The following SLC35F1 variants were observed in gnomAD, a reference collection of about 807,000 sequenced individuals.
SLC35F1 encodes solute carrier family 35 member F1, also known as chromosome 6 open reading frame 169.
In SLC35F1, 14 loss-of-function variants were observed where a neutral mutation model predicts 48.7. The ratio of observed to expected loss-of-function variants is 0.29; its 90% CI spans 0.19 to 0.45. The LOEUF (loss-of-function observed/expected upper bound fraction) is 0.45. Among genes scored for constraint, SLC35F1 ranks in the 20% least tolerant of loss-of-function variants. SLC35F1 has a pLI of 1.00. For missense variants in SLC35F1, 404 were observed against 500.0 expected (o/e 0.81, Z 1.83); for synonymous variants, 190 against 202.2 (o/e 0.94, Z 0.51).
At chr6:118,129,434 A>G (rs759253423) in intron 1 of SLC35F1, among the ~76,000 whole-genome samples, 8 of 152,308 alleles carry the variant, frequency 5.3e-5, no homozygotes, top group Non-Finnish European at 1.2e-4. Context: ...AGGGCTTGTA[A>G]GCCAAGGAGT....
chr6:118,084,863 G>A (rs922635087), intron 1 of SLC35F1, among the ~76,000 whole-genome samples: 1 of 152,108 alleles, frequency 6.6e-6, no homozygotes, highest in Non-Finnish European at 1.5e-5. Flanking sequence ...AACCTGTCTG[G>A]TGGGGGCTTT....
chr6:118,254,072 G>A (rs1286280136), intron 3 of SLC35F1, among the ~76,000 whole-genome samples: 1 of 151,968 alleles, frequency 6.6e-6, no homozygotes, highest in Non-Finnish European at 1.5e-5. Context: ...AAGAACAAAG[G>A]GCAGAATTGC....
intron 7 of SLC35F1, among the ~76,000 whole-genome samples, chr6:118,292,604 G>A (rs181312988): frequency 6.6e-6 from 1 of 152,172 alleles, no homozygotes; most frequent in Non-Finnish European, 1.5e-5. Context: ...GGAGAGGAGG[G>A]CTAGTTTTTC....
At chr6:118,172,149 A>G (rs1582710202) in intron 2 of SLC35F1, among the ~76,000 whole-genome samples, 1 of 151,906 alleles carries the variant, frequency 6.6e-6, no homozygotes, top group African/African-American at 2.4e-5. Flanking sequence ...GGGTTTAATC[A>G]GAACCTCCAT....
intron 1 of SLC35F1, among the ~76,000 whole-genome samples, chr6:117,992,129 A>G (rs750819091): frequency 1.7e-4 from 26 of 152,188 alleles, no homozygotes; most frequent in East Asian, 7.7e-4. Flanking sequence ...ATATTCAAGC[A>G]GATTTTTTTT....
chr6:117,920,484 G>C (rs1259823024), intron 1 of SLC35F1, among the ~76,000 whole-genome samples: 3 of 152,224 alleles, frequency 2.0e-5, no homozygotes, highest in Non-Finnish European at 4.4e-5. Context: ...TACTTGCGGA[G>C]AAAGTCTGAA....
intron 2 of SLC35F1, among the ~76,000 whole-genome samples, chr6:118,211,693 T>C (rs1052976068): frequency 1.3e-5 from 2 of 152,240 alleles, no homozygotes; most frequent in African/African-American, 4.8e-5. Flanking sequence ...ATTTTCATGC[T>C]GCTTATTCCT....
rs146592169 is a variant in SLC35F1, at chr6:118,201,347, A to G, written c.350-34162A>G. ...AGAAGAATAGGAGAAAATGGATTTT[A>G]CTGAACAAGTAGCAGTTTCCAGCAC... is the stretch of plus-strand genomic sequence containing the variant. On this transcript the variant is annotated intron_variant, in intron 2 of 7. Coordinates refer to ENST00000360388, the MANE Select transcript of SLC35F1 (RefSeq NM_001029858.4). Among the ~76,000 whole-genome samples the G allele has an allele frequency of 1.4e-3, 211 of 152,370 alleles. 1 individual carries two copies. The highest frequency in any genetic ancestry group is 5.0e-3 in the African/African-American group (208 of 41,590).
chr6:118,171,687 T>C (rs1374909437), intron 2 of SLC35F1, among the ~76,000 whole-genome samples: 1 of 152,222 alleles, frequency 6.6e-6, no homozygotes, highest in Non-Finnish European at 1.5e-5. Context: ...AAAAATATTT[T>C]ATTGTTTTAT....
intron 1 of SLC35F1, among the ~76,000 whole-genome samples, chr6:118,072,945 G>C (rs1347404151): frequency 2.0e-5 from 3 of 152,074 alleles, no homozygotes; most frequent in Non-Finnish European, 4.4e-5. Context: ...AGGGAAGATG[G>C]GGTTCCACAT....
At chr6:118,048,566 A>G (rs561084396) in intron 1 of SLC35F1, among the ~76,000 whole-genome samples, 1 of 152,202 alleles carries the variant, frequency 6.6e-6, no homozygotes, top group Non-Finnish European at 1.5e-5. Flanking sequence ...TTATACACCA[A>G]TAACAGACAA....
intron 1 of SLC35F1, chr6:117,999,335 C>A: frequency 3.1e-6 from 5 of 1,595,332 alleles, no homozygotes; most frequent in South Asian, 1.1e-5. Context: ...GCTGTGCCGG[C>A]CAAAGGCCAA....
chr6:118,102,668 C>T (rs963556602), intron 1 of SLC35F1, among the ~76,000 whole-genome samples: 2 of 152,224 alleles, frequency 1.3e-5, no homozygotes, highest in East Asian at 1.9e-4. Context: ...CACTGCTGTG[C>T]ACCTCAGAAG....
chr6:118,306,917 C>G (rs974068971), intron 7 of SLC35F1, among the ~76,000 whole-genome samples: 1 of 152,178 alleles, frequency 6.6e-6, no homozygotes, highest in African/African-American at 2.4e-5. Flanking sequence ...TATAAAAGAG[C>G]TCTTATTGGC....
chr6:118,194,600 CAAAG>C (rs1246717476), intron 2 of SLC35F1, among the ~76,000 whole-genome samples: 2 of 152,098 alleles, frequency 1.3e-5, no homozygotes, highest in Non-Finnish European at 2.9e-5. Flanking sequence ...GACAGAATGA[CAAAG>C]AAAGACAAAT....
intron 1 of SLC35F1, among the ~76,000 whole-genome samples, chr6:118,123,738 A>G (rs1227742266): frequency 6.6e-6 from 1 of 152,210 alleles, no homozygotes; most frequent in Non-Finnish European, 1.5e-5. Flanking sequence ...ATTTTCTGGA[A>G]CACCTTGCTT....
chr6:118,253,454 A>G (rs1775601885), intron 3 of SLC35F1, among the ~76,000 whole-genome samples: 1 of 152,190 alleles, frequency 6.6e-6, no homozygotes, highest in Non-Finnish European at 1.5e-5. Context: ...ATGGATGTTG[A>G]TAAGATGGAG....
At position 118,149,533 on chromosome 6, in the gene SLC35F1, C is replaced by T. The variant is rs539619401; in HGVS notation, c.174-4912C>T. Among the ~76,000 whole-genome samples, 122 of 152,230 alleles carry T rather than the reference C, an allele frequency of 8.0e-4. 1 individual carries two copies. Among genetic ancestry groups the T allele is most frequent in the African/African-American group, 2.9e-3 (119 of 41,544 alleles). On this transcript the variant is annotated intron_variant, in intron 1 of 7. Coordinates refer to ENST00000360388, the MANE Select transcript of SLC35F1 (RefSeq NM_001029858.4). Reference sequence around the variant, plus strand: ...TTTTATTTACTGATTTATTTGGTGACTCCAGGAACTAGCTCAGATGTGCAG... The same window carrying T: ...TTTTATTTACTGATTTATTTGGTGATTCCAGGAACTAGCTCAGATGTGCAG...
rs189309991 is a variant in SLC35F1 at position 118,023,544 on chromosome 6, T to C, written c.173+115645T>C. ...AACTAAGGTAATAAAGATGATGATA[T>C]ATGCTAGGGAAATGGTGGGCATGGA... On this transcript the variant is annotated intron_variant, in intron 1 of 7. Transcript: ENST00000360388. Among the ~76,000 whole-genome samples the C allele has an allele frequency of 1.7e-3, 259 of 152,294 alleles. 3 individuals carry two copies. The highest frequency in any genetic ancestry group is 2.5e-3 in the East Asian group (13 of 5,188).
Sources: gnomAD v4.1 joint callset for allele counts (sites outside exome capture counted in the v4.1 genomes callset) on GRCh38, gnomAD v4.1.1 for gene constraint, MANE v1.5 for transcripts, NCBI Gene and HGNC (gene_info 2026-07-23, HGNC 2026-07-21) for gene names.